Variants in ST8SIA6 observed in about 807,000 individuals in gnomAD.
ST8SIA6 encodes ST8 alpha-N-acetyl-neuraminide alpha-2,8-sialyltransferase 6, also known as alpha-2,8-sialyltransferase 8F.
A neutral mutation model predicts 33.6 loss-of-function variants in ST8SIA6; 39 were observed. The observed-to-expected ratio is 1.16, with a 90% CI of 0.90 to 1.52. The LOEUF (loss-of-function observed/expected upper bound fraction) is 1.52. Ranked by LOEUF, ST8SIA6 falls within the 40% of genes most tolerant of loss-of-function variation. The probability of loss-of-function intolerance (pLI) is 0.00; values close to 1 mark genes in which losing one functional copy is unlikely to be tolerated. For synonymous variants in ST8SIA6, 172 were observed against 167.2 expected, an observed-to-expected ratio of 1.03 and a Z score of -0.22; for missense variants, 441 against 443.8, an observed-to-expected ratio of 0.99 and a Z score of 0.06.
At chr10:17,348,318 AGT>A (rs1848917960) in intron 4 of ST8SIA6, among the ~76,000 whole-genome samples, 2 of 151,376 alleles carry the variant, frequency 1.3e-5, no homozygotes, top group Admixed American at 1.3e-4. Context: ...ATGCTGAATC[AGT>A]CTTATGTGTA....
chr10:17,326,116 G>C (rs1472635117), intron 6 of ST8SIA6, among the ~76,000 whole-genome samples: 1 of 152,130 alleles, frequency 6.6e-6, no homozygotes, highest in Non-Finnish European at 1.5e-5. Flanking sequence ...GTCTATTGTG[G>C]CTTCATCATT....
At chr10:17,326,403 T>C (rs1848129619) in intron 6 of ST8SIA6, among the ~76,000 whole-genome samples, 1 of 152,204 alleles carries the variant, frequency 6.6e-6, no homozygotes, top group African/African-American at 2.4e-5. Flanking sequence ...GGCTTATTAG[T>C]ACAAGGCACA....
chr10:17,316,072 A>G lies in ST8SIA6; in HGVS notation c.*4806T>C, dbSNP rs1847765955. Among the ~76,000 whole-genome samples, 1 of 152,018 alleles carries G rather than the reference A, an allele frequency of 6.6e-6. No homozygotes were observed. Among genetic ancestry groups the G allele is most frequent in the Non-Finnish European group, 1.5e-5 (1 of 67,898 alleles). On this transcript the variant is annotated 3_prime_UTR_variant, in exon 8 of 8. Transcript: ENST00000377602. ...TTATTTATGTAGTAGTAAGAATATC[A>G]TATGTGAGTATAAGAATATATATGT...
chr10:17,421,185 A>T (rs1317150941), intron 2 of ST8SIA6, among the ~76,000 whole-genome samples: 1 of 152,120 alleles, frequency 6.6e-6, no homozygotes, highest in Non-Finnish European at 1.5e-5. Flanking sequence ...CTAGCCCCTT[A>T]CCTGGGGTAG....
chr10:17,406,863 C>T (rs1444145265), intron 2 of ST8SIA6, among the ~76,000 whole-genome samples: 2 of 147,478 alleles, frequency 1.4e-5, no homozygotes, highest in Non-Finnish European at 3.0e-5. Context: ...GGTGCAATCT[C>T]AGCTCACCAA....
intron 4 of ST8SIA6, among the ~76,000 whole-genome samples, chr10:17,359,048 G>T (rs1849297655): frequency 6.6e-6 from 1 of 152,110 alleles, no homozygotes; most frequent in South Asian, 2.1e-4. Flanking sequence ...TCCTTCCTGG[G>T]TTATTACTTA....
intron 4 of ST8SIA6, among the ~76,000 whole-genome samples, chr10:17,337,817 A>G (rs1486437512): frequency 6.6e-6 from 1 of 152,196 alleles, no homozygotes; most frequent in Non-Finnish European, 1.5e-5. Flanking sequence ...AGAAGAGGAT[A>G]CATTAAGAAA....
At chr10:17,341,779 T>G (rs1303617183) in intron 4 of ST8SIA6, among the ~76,000 whole-genome samples, 1 of 150,482 alleles carries the variant, frequency 6.6e-6, no homozygotes, top group African/African-American at 2.4e-5. Flanking sequence ...CAGCCACCTG[T>G]AATCCCAGCT....
At chr10:17,387,451 G>A (rs1315821948) in intron 3 of ST8SIA6, among the ~76,000 whole-genome samples, 5 of 139,352 alleles carry the variant, frequency 3.6e-5, no homozygotes, top group South Asian at 4.9e-4. Flanking sequence ...GTGGGGCGGG[G>A]GGGGGGGGGT....
chr10:17,334,844 C>G (rs148937770), intron 4 of ST8SIA6, among the ~76,000 whole-genome samples: 2 of 152,270 alleles, frequency 1.3e-5, no homozygotes, highest in East Asian at 3.9e-4. Context: ...CCCCCAACCT[C>G]TGGCAAGTGC....
intron 5 of ST8SIA6, among the ~76,000 whole-genome samples, chr10:17,328,888 G>A (rs1217816131): frequency 6.6e-6 from 1 of 152,138 alleles, no homozygotes; most frequent in Admixed American, 6.6e-5. Flanking sequence ...GTTTTTTAAA[G>A]CATTGGTAAC....
chr10:17,351,558 A>G (rs901742070), intron 4 of ST8SIA6, among the ~76,000 whole-genome samples: 1 of 150,336 alleles, frequency 6.7e-6, no homozygotes, highest in African/African-American at 2.5e-5. Context: ...ATAAATACCC[A>G]AAGGAAATGA....
chr10:17,429,723 G>A lies in ST8SIA6; in HGVS notation c.200+23836C>T, dbSNP rs142084034. ...TGGTCTTGAACTCCTAGGCTCAAGC[G>A]ATCTGACCGCCTCAGCCTCCCAGAG... On this transcript the variant is annotated intron_variant, in intron 2 of 7. Coordinates refer to ENST00000377602, the MANE Select transcript of ST8SIA6 (RefSeq NM_001004470.3). Among the ~76,000 whole-genome samples, 533 of 152,214 alleles carry A rather than the reference G, an allele frequency of 3.5e-3. 3 individuals carry two copies. Among genetic ancestry groups the A allele is most frequent in the African/African-American group, 0.01 (423 of 41,538 alleles).
intron 4 of ST8SIA6, among the ~76,000 whole-genome samples, chr10:17,358,019 C>G (rs912583670): frequency 3.3e-5 from 5 of 152,102 alleles, no homozygotes; most frequent in Non-Finnish European, 7.3e-5. Context: ...AATCCAGTCT[C>G]AAATAGATTG....
At position 17,348,917 on chromosome 10, in the gene ST8SIA6, C is replaced by A. The variant is rs1035451139; in HGVS notation, c.377+10597G>T. On this transcript the variant is annotated intron_variant, in intron 4 of 7. Coordinates refer to ENST00000377602, the MANE Select transcript of ST8SIA6 (RefSeq NM_001004470.3). ...GCTAAGTAATCGGGGCGGGGCGGGG[C>A]GGGAAGCGTAACTCTTGGCTCTGCC... Among the ~76,000 whole-genome samples, 29 of 146,134 alleles carry A rather than the reference C, an allele frequency of 2.0e-4. 1 individual carries two copies. The highest frequency in any genetic ancestry group is 7.5e-5 in the Non-Finnish European group (5 of 66,406).
At chr10:17,397,231 TTG>T (rs1491474925) in intron 2 of ST8SIA6, among the ~76,000 whole-genome samples, 2 of 93,846 alleles carry the variant, frequency 2.1e-5, no homozygotes, top group Admixed American at 2.3e-4. Context: ...AAATTGTTTT[TTG>T]TTTTTTTTTT....
chr10:17,435,870 A>G (rs556344712), intron 2 of ST8SIA6, among the ~76,000 whole-genome samples: 11 of 152,346 alleles, frequency 7.2e-5, no homozygotes, highest in Middle Eastern at 3.4e-3. Context: ...ACATCCTCTC[A>G]TATCCCAACA....
At chr10:17,322,670 T>C (rs530896194) in intron 7 of ST8SIA6, among the ~76,000 whole-genome samples, 3 of 152,300 alleles carry the variant, frequency 2.0e-5, no homozygotes, top group Non-Finnish European at 4.4e-5. Flanking sequence ...ACTTGATAAC[T>C]GTATTTTGCC....
At chr10:17,340,807 A>G (rs377710609) in intron 4 of ST8SIA6, among the ~76,000 whole-genome samples, 55 of 152,328 alleles carry the variant, frequency 3.6e-4, no homozygotes, top group African/African-American at 1.3e-3. Context: ...GAACTTCTTT[A>G]ACAAAAAATA....
Sources: gnomAD v4.1 joint callset for allele counts (sites outside exome capture counted in the v4.1 genomes callset) on GRCh38, gnomAD v4.1.1 for gene constraint, MANE v1.5 for transcripts, NCBI Gene and HGNC (gene_info 2026-07-23, HGNC 2026-07-21) for gene names.